MAPK10: variants seen among roughly 807,000 people sequenced by gnomAD.
MAPK10 encodes JNK3 alpha protein kinase.
Under a neutral mutation model 59.3 loss-of-function variants are expected in MAPK10, and 25 were observed. The ratio of observed to expected loss-of-function variants is 0.42; its 90% CI spans 0.31 to 0.59. MAPK10 has a LOEUF of 0.59. MAPK10 is among the 20% of genes least tolerant of loss of function. The pLI is 0.15. For missense variants in MAPK10, 351 were observed against 568.9 expected (o/e 0.62, Z 3.90); for synonymous variants, 190 against 200.5 (o/e 0.95, Z 0.44).
chr4:86,206,701 G>C (rs2084109960), intron 2 of MAPK10, among the ~76,000 whole-genome samples: 1 of 152,132 alleles, frequency 6.6e-6, no homozygotes, highest in Non-Finnish European at 1.5e-5. Context: ...ATCCTCTCCA[G>C]CACCTGTCAT....
At chr4:86,478,306 C>T (rs1332416782) in intron 1 of MAPK10, among the ~76,000 whole-genome samples, 5 of 152,146 alleles carry the variant, frequency 3.3e-5, no homozygotes, top group African/African-American at 7.2e-5. Context: ...CATCCCAACC[C>T]TTTTCATTAC....
At chr4:86,159,946 G>T (rs1163941537) in intron 3 of MAPK10, among the ~76,000 whole-genome samples, 1 of 151,926 alleles carries the variant, frequency 6.6e-6, no homozygotes. Flanking sequence ...ACAAACTTAT[G>T]TAAAGTTTTA....
At chr4:86,399,692 A>G (rs1163198367) in intron 1 of MAPK10, 3 of 152,198 alleles carry the variant, frequency 2.0e-5, no homozygotes, top group African/African-American at 4.8e-5. Flanking sequence ...GGCACTCTTA[A>G]CAGGCACTGG....
At chr4:86,052,506 C>T (rs375749642) in intron 11 of MAPK10, among the ~76,000 whole-genome samples, 1 of 151,904 alleles carries the variant, frequency 6.6e-6, no homozygotes, top group Non-Finnish European at 1.5e-5. Flanking sequence ...TTTCAAAAGC[C>T]CCCAGAAGTT....
intron 2 of MAPK10, among the ~76,000 whole-genome samples, chr4:86,272,190 T>G (rs1465166602): frequency 1.3e-5 from 2 of 152,080 alleles, no homozygotes; most frequent in African/African-American, 4.8e-5. Context: ...TATGACTGCA[T>G]AGTAGCTTAG....
intron 4 of MAPK10, among the ~76,000 whole-genome samples, chr4:86,134,505 C>T (rs563314627): frequency 4.5e-4 from 69 of 152,290 alleles, no homozygotes; most frequent in African/African-American, 1.6e-3. Flanking sequence ...TGCCACACAC[C>T]ACACATACTT....
chr4:86,177,604 A>G (rs2075975858), intron 3 of MAPK10, among the ~76,000 whole-genome samples: 1 of 152,102 alleles, frequency 6.6e-6, no homozygotes, highest in Non-Finnish European at 1.5e-5. Flanking sequence ...GATGTTTTTT[A>G]AATGCTCTAG....
At chr4:86,025,027 G>C (rs1462298148) in intron 13 of MAPK10, 1 of 152,516 alleles carries the variant, frequency 6.6e-6, no homozygotes, top group Non-Finnish European at 1.5e-5. Context: ...TGTTTCATGG[G>C]AATGGTTCCT....
At chr4:86,335,935 C>T (rs559817343) in intron 2 of MAPK10, among the ~76,000 whole-genome samples, 2 of 152,098 alleles carry the variant, frequency 1.3e-5, no homozygotes, top group Non-Finnish European at 2.9e-5. Flanking sequence ...TCCCTCCAGA[C>T]GTGGAGATTA....
chr4:86,321,218 A>C (rs567120714), intron 2 of MAPK10, among the ~76,000 whole-genome samples: 1 of 152,054 alleles, frequency 6.6e-6, no homozygotes, highest in African/African-American at 2.4e-5. Flanking sequence ...CATTTGACCC[A>C]GCCATCCCAT....
At chr4:86,459,299 G>T (rs1419246729) in intron 1 of MAPK10, among the ~76,000 whole-genome samples, 2 of 152,210 alleles carry the variant, frequency 1.3e-5, no homozygotes. Flanking sequence ...CTTCTACGCT[G>T]CTGGTGGGAA....
chr4:86,352,758 C>T (rs1732225527), intron 2 of MAPK10, among the ~76,000 whole-genome samples: 1 of 152,120 alleles, frequency 6.6e-6, no homozygotes, highest in African/African-American at 2.4e-5. Flanking sequence ...TTGTTTTATA[C>T]ACTCTTCTAT....
intron 1 of MAPK10, among the ~76,000 whole-genome samples, chr4:86,519,268 A>T (rs1756936646): frequency 6.6e-6 from 1 of 152,180 alleles, no homozygotes. Context: ...TACGTCTAGT[A>T]GTAATTGTTT....
chr4:86,017,484 A>T lies in MAPK10; in HGVS notation c.1253-114T>A, dbSNP rs1462003564. ...ATAGGGGATGTCCAGTCCATCAATC[A>T]TTTGGCAAGCCTTTATAGAGCAGCT... On this transcript the variant is annotated intron_variant, in intron 13 of 13. Coordinates refer to ENST00000641462, the MANE Select transcript of MAPK10 (RefSeq NM_138982.4). The surrounding 1 kb of genome is among the most constrained non-coding windows in gnomAD (Gnocchi z 4.4). 3.4e-6 allele frequency: 4 copies of T among 1,172,398 alleles called. No individual in the cohort carries two copies. The Admixed American group carries it at 5.9e-5, about 17-fold the overall frequency. The allele number at this position is 1,172,398 out of a possible 1,614,324, so 72.6% of individuals were successfully genotyped here. A position where few individuals can be genotyped will look rare whatever the true frequency, so the allele number is the denominator to read the frequency against.
At chr4:86,400,102 T>C (rs1375732039) in intron 1 of MAPK10, among the ~76,000 whole-genome samples, 1 of 152,146 alleles carries the variant, frequency 6.6e-6, no homozygotes, top group Non-Finnish European at 1.5e-5. Flanking sequence ...ATTTTTCACA[T>C]TTTATGGTCA....
upstream of MAPK10, chr4:86,453,394 G>C (rs1750947688): frequency 6.6e-6 from 1 of 152,312 alleles, no homozygotes; most frequent in Admixed American, 6.5e-5. Flanking sequence ...AGACAGCCTT[G>C]GTGCTGCTGC....
chr4:86,230,938 A>G (rs1331709320), intron 2 of MAPK10, among the ~76,000 whole-genome samples: 1 of 152,234 alleles, frequency 6.6e-6, no homozygotes, highest in East Asian at 1.9e-4. Flanking sequence ...TCTGGGAAGA[A>G]TGGTCTAAAA....
At chr4:86,511,213 G>GT (rs1259731961) in intron 1 of MAPK10, among the ~76,000 whole-genome samples, 2 of 152,092 alleles carry the variant, frequency 1.3e-5, no homozygotes, top group African/African-American at 4.8e-5. Flanking sequence ...GCTGGGTGTG[G>GT]TGGCTCATGC....
intron 9 of MAPK10, among the ~76,000 whole-genome samples, chr4:86,070,036 G>A (rs567406801): frequency 2.6e-5 from 4 of 152,102 alleles, no homozygotes; most frequent in Non-Finnish European, 4.4e-5. Context: ...CACACTCAGC[G>A]CTCTTTCCTA....
Sources: gnomAD v4.1 joint callset for allele counts (sites outside exome capture counted in the v4.1 genomes callset) on GRCh38, gnomAD v4.1.1 for gene constraint, Gnocchi (gnomAD v3.1) non-coding constraint, MANE v1.5 for transcripts, NCBI Gene and HGNC (gene_info 2026-07-23, HGNC 2026-07-21) for gene names.